The following DCC variants were observed in gnomAD, a reference collection of about 807,000 sequenced individuals.
DCC encodes the protein DCC netrin 1 receptor, also known as netrin receptor DCC.
DCC carries 58 observed loss-of-function variants against 172.5 expected under a neutral mutation model. The observed-to-expected ratio is 0.34, with a 90% CI of 0.27 to 0.42. DCC has a LOEUF of 0.42. Ranked by LOEUF, DCC falls within the 10% of genes least tolerant of loss-of-function variation. The pLI, the probability that DCC is intolerant of heterozygous loss-of-function variation, is 1.00. For synonymous variants in DCC, 709 were observed against 644.5 expected (o/e 1.10, Z -1.52); for missense variants, 1,740 against 1,791.0 (o/e 0.97, Z 0.51).
intron 21 of DCC, among the ~76,000 whole-genome samples, chr18:53,419,012 G>A (rs1206257415): frequency 6.6e-6 from 1 of 152,140 alleles, no homozygotes. Context: ...CCAGGCACAG[G>A]TGGCAAATAA....
chr18:52,524,034 G>A (rs145572462), intron 1 of DCC, among the ~76,000 whole-genome samples: 7 of 152,260 alleles, frequency 4.6e-5, no homozygotes, highest in Admixed American at 6.5e-5. Flanking sequence ...GTCATCAGAC[G>A]TAAATGTGGG....
intron 2 of DCC, among the ~76,000 whole-genome samples, chr18:52,852,104 C>G (rs1193036531): frequency 6.6e-6 from 1 of 152,094 alleles, no homozygotes; most frequent in Non-Finnish European, 1.5e-5. Context: ...GGCATCCTAT[C>G]TAAAAGGCTG....
Position 53,530,865 on chromosome 18 carries a change from C to A in DCC, c.*212C>A. 1 of 624,736 alleles carries A rather than the reference C, an allele frequency of 1.6e-6. No individual in the cohort carries two copies. The highest frequency in any genetic ancestry group is 2.9e-6 in the Non-Finnish European group (1 of 347,708). The allele number at this position is 624,736 out of a possible 1,614,324, so 38.7% of individuals were successfully genotyped here. A position where few individuals can be genotyped will look rare whatever the true frequency, so the allele number is the denominator to read the frequency against. ...AATTGTCAAATGATGATTATGAGTT[C>A]CCTAAACAAAAGCAAAGATGCATTT... is the stretch of plus-strand genomic sequence containing the variant. On this transcript the variant is annotated 3_prime_UTR_variant, in exon 29 of 29. Transcript: ENST00000442544.
intron 5 of DCC, among the ~76,000 whole-genome samples, chr18:53,025,496 A>T (rs1393655135): frequency 1.3e-5 from 2 of 152,112 alleles, no homozygotes; most frequent in Non-Finnish European, 2.9e-5. Flanking sequence ...CTTGAGGCGC[A>T]GCCCACTAGT....
intron 15 of DCC, among the ~76,000 whole-genome samples, chr18:53,367,691 C>T (rs1342892570): frequency 2.0e-5 from 3 of 152,088 alleles, no homozygotes; most frequent in African/African-American, 7.2e-5. Flanking sequence ...TCCTCCCTCC[C>T]TGTCCCTGGC....
intron 13 of DCC, among the ~76,000 whole-genome samples, chr18:53,309,701 AG>A (rs2057241635): frequency 6.6e-6 from 1 of 152,068 alleles, no homozygotes; most frequent in African/African-American, 2.4e-5. Context: ...TCCAGCCAAA[AG>A]CAAAGTGAGA....
chr18:52,883,399 C>G (rs1435295447), intron 2 of DCC, among the ~76,000 whole-genome samples: 2 of 138,014 alleles, frequency 1.4e-5, no homozygotes, highest in Admixed American at 7.5e-5. Context: ...TGTGAGATCT[C>G]TTTCTGTCTT....
intron 1 of DCC, among the ~76,000 whole-genome samples, chr18:52,387,160 A>C: frequency 6.6e-6 from 1 of 152,156 alleles, no homozygotes; most frequent in East Asian, 1.9e-4. Context: ...GGCAACAACT[A>C]TTGATCATGT....
chr18:52,565,798 G>T (rs1144082), intron 1 of DCC, among the ~76,000 whole-genome samples: 142,370 of 152,230 alleles, frequency 0.94, 67,356 homozygotes, highest in East Asian at 1. Flanking sequence ...GTCTGTTCAC[G>T]CTGATGATTG....
At chr18:52,403,044 A>G (rs1986499387) in intron 1 of DCC, among the ~76,000 whole-genome samples, 1 of 152,046 alleles carries the variant, frequency 6.6e-6, no homozygotes, top group Admixed American at 6.6e-5. Context: ...CCAAATCATT[A>G]ACAGAAGGAT....
At chr18:53,497,484 C>G (rs1443335892) in intron 26 of DCC, among the ~76,000 whole-genome samples, 1 of 152,196 alleles carries the variant, frequency 6.6e-6, no homozygotes, top group Non-Finnish European at 1.5e-5. Flanking sequence ...GATGTCATCT[C>G]TTTCAGGCCA....
chr18:53,045,481 C>A (rs1277471153), intron 5 of DCC, among the ~76,000 whole-genome samples: 1 of 151,766 alleles, frequency 6.6e-6, no homozygotes, highest in Non-Finnish European at 1.5e-5. Context: ...CTGCCTTATC[C>A]CAAATGACAA....
At position 52,340,243 on chromosome 18, in the gene DCC, C is replaced by T. The variant is rs893819219; in HGVS notation, c.-545C>T. 5.2e-6 allele frequency: 1 copy of T among 193,400 alleles called. No individual in the cohort carries two copies. Among genetic ancestry groups the T allele is most frequent in the Non-Finnish European group, 1.1e-5 (1 of 91,936 alleles). 12.0% of individuals were successfully genotyped at this position (193,400 alleles called of 1,614,324 possible). A position where few individuals can be genotyped will look rare whatever the true frequency, so the allele number is the denominator to read the frequency against. On this transcript the variant is annotated 5_prime_UTR_variant, in exon 1 of 29. Transcript: ENST00000442544. ...CAGTAACAAGTGAGAGCGCTCCACC[C>T]CGCAGTCCCCCCCGCCTCTCCTCCC...
intron 1 of DCC, among the ~76,000 whole-genome samples, chr18:52,342,997 T>C (rs1308100978): frequency 6.6e-6 from 1 of 152,202 alleles, no homozygotes; most frequent in Non-Finnish European, 1.5e-5. Flanking sequence ...AAGGGATACA[T>C]ACACACACAT....
intron 15 of DCC, among the ~76,000 whole-genome samples, chr18:53,384,119 C>T (rs1378628769): frequency 6.6e-6 from 1 of 151,742 alleles, no homozygotes; most frequent in African/African-American, 2.4e-5. Context: ...TTCTGGTCAT[C>T]GTATATGCCT....
chr18:53,408,766 G>A (rs987761838), intron 19 of DCC, among the ~76,000 whole-genome samples: 10 of 152,064 alleles, frequency 6.6e-5, no homozygotes, highest in Admixed American at 2.6e-4. Context: ...TTATGATTAC[G>A]CAGATTTGGG....
At chr18:52,857,529 A>G (rs1598872943) in intron 2 of DCC, among the ~76,000 whole-genome samples, 1 of 152,286 alleles carries the variant, frequency 6.6e-6, no homozygotes, top group Middle Eastern at 3.4e-3. Context: ...CTATAAACTG[A>G]ATGTCATTTG....
chr18:53,499,231 TC>T, intron 26 of DCC, 66 bp from the exon 27 acceptor site: 2 of 1,512,636 alleles, frequency 1.3e-6, no homozygotes, highest in Non-Finnish European at 1.8e-6. Context: ...CAGGGACTGT[TC>T]CAGTGACTTA....
At chr18:52,755,605 G>A (rs191546147) in intron 2 of DCC, among the ~76,000 whole-genome samples, 127 of 152,090 alleles carry the variant, frequency 8.4e-4, no homozygotes, top group African/African-American at 3.0e-3. Context: ...TTCACAAGGG[G>A]CATATATCTT....
Sources: allele counts gnomAD v4.1 joint callset (sites outside exome capture counted in the v4.1 genomes callset), GRCh38; gene constraint gnomAD v4.1.1; transcripts MANE v1.5; gene names NCBI Gene and HGNC (gene_info 2026-07-23, HGNC 2026-07-21).